Variants in MGAT4C observed in about 807,000 individuals in gnomAD.
The protein encoded by MGAT4C is MGAT4 family member C.
In MGAT4C, 19 loss-of-function variants were observed where a neutral mutation model predicts 40.1. The observed-to-expected ratio is 0.47, with a 90% CI of 0.33 to 0.70. The LOEUF (loss-of-function observed/expected upper bound fraction) is 0.70, where lower values mean the gene tolerates loss of function less well. MGAT4C is among the 30% of genes least tolerant of loss of function. MGAT4C has a pLI of 0.02. For missense variants in MGAT4C, 491 were observed against 563.2 expected (o/e 0.87, Z 1.30); for synonymous variants, 181 against 187.1 (o/e 0.97, Z 0.27).
chr12:86,721,821 C>G (rs1040583316), intron 2 of MGAT4C, among the ~76,000 whole-genome samples: 1 of 152,078 alleles, frequency 6.6e-6, no homozygotes, highest in Non-Finnish European at 1.5e-5. Flanking sequence ...TTGTTTAAGT[C>G]TATTTATGTA....
At chr12:86,084,854 T>C (rs2135552102) in intron 1 of MGAT4C, among the ~76,000 whole-genome samples, 1 of 152,122 alleles carries the variant, frequency 6.6e-6, no homozygotes, top group East Asian at 1.9e-4. Context: ...TTAGTATATA[T>C]TTCTGAAACA....
At chr12:86,065,192 T>C (rs1011382033) in intron 1 of MGAT4C, among the ~76,000 whole-genome samples, 22 of 152,158 alleles carry the variant, frequency 1.4e-4, no homozygotes, top group Non-Finnish European at 2.2e-4. Flanking sequence ...AAAGAGGGAC[T>C]CCTCCCTAAC....
At chr12:86,536,203 T>G (rs1252882313) in intron 2 of MGAT4C, among the ~76,000 whole-genome samples, 4 of 152,130 alleles carry the variant, frequency 2.6e-5, no homozygotes, top group African/African-American at 9.7e-5. Context: ...CTAAAGAGAC[T>G]TTGTTAGACA....
chr12:86,424,538 T>C (rs1467192974), intron 3 of MGAT4C, among the ~76,000 whole-genome samples: 1 of 152,198 alleles, frequency 6.6e-6, no homozygotes, highest in African/African-American at 2.4e-5. Flanking sequence ...CAGAGTCAGA[T>C]CTGAGCAACG....
At position 86,133,333 on chromosome 12, in the gene MGAT4C, C is replaced by T. The variant is rs532095975; in HGVS notation, c.-56-83610G>A. ...AGCCTGCCACCCATCAAAAGCACTT[C>T]ACTTCTTAAATGTCAGTATCCTTAT... On this transcript the variant is annotated intron_variant, in intron 1 of 4. Transcript: ENST00000611864. 1.5e-3 allele frequency among the ~76,000 whole-genome samples: 225 copies of T among 152,328 alleles called. 1 individual carries two copies. Among genetic ancestry groups the T allele is most frequent in the African/African-American group, 5.2e-3 (218 of 41,582 alleles).
At chr12:86,596,056 T>C (rs1209577516) in intron 2 of MGAT4C, among the ~76,000 whole-genome samples, 2 of 152,168 alleles carry the variant, frequency 1.3e-5, no homozygotes, top group South Asian at 2.1e-4. Context: ...TGGATACATA[T>C]ATCTCATCTA....
chr12:86,337,929 C>T (rs1954824615), intron 3 of MGAT4C, among the ~76,000 whole-genome samples: 1 of 152,088 alleles, frequency 6.6e-6, no homozygotes, highest in African/African-American at 2.4e-5. Context: ...TCAAGCCAAT[C>T]AATCGAGTGG....
At chr12:86,318,100 G>T (rs148845414) in intron 4 of MGAT4C, among the ~76,000 whole-genome samples, 4 of 152,162 alleles carry the variant, frequency 2.6e-5, no homozygotes, top group African/African-American at 9.6e-5. Context: ...AAAGGAAAAA[G>T]AAGCTGGAAG....
At chr12:86,061,474 GT>G (rs71076156) in intron 1 of MGAT4C, among the ~76,000 whole-genome samples, 112,788 of 146,274 alleles carry the variant, frequency 0.77, 43,640 homozygotes, top group East Asian at 0.96. Context: ...TTTTTTTTTT[GT>G]TTTTTTTTTT....
In MGAT4C at chr12:86,183,386, C is replaced by A. The variant is rs575663884; in HGVS notation, c.-57+72853G>T. 2.6e-5 allele frequency among the ~76,000 whole-genome samples: 4 copies of A among 152,176 alleles called. No homozygotes were observed. In the East Asian group the frequency reaches 7.7e-4, roughly 29 times the overall value. ...ACTTGAGCTAGTTATTTAATCTCTC[C>A]TATGCTTCAGTTTCTTAATCCGAGA... On this transcript the variant is annotated intron_variant, in intron 1 of 4. Coordinates refer to ENST00000611864, the MANE Select transcript of MGAT4C (RefSeq NM_001351288.2).
intron 1 of MGAT4C, among the ~76,000 whole-genome samples, chr12:86,143,896 T>C (rs749760291): frequency 6.6e-6 from 1 of 152,306 alleles, no homozygotes; most frequent in South Asian, 2.1e-4. Context: ...AAAAAGAACA[T>C]AGGCTAGTAA....
chr12:85,997,579 C>A (rs1411189203), intron 2 of MGAT4C, among the ~76,000 whole-genome samples: 1 of 152,166 alleles, frequency 6.6e-6, no homozygotes, highest in Non-Finnish European at 1.5e-5. Context: ...GTAAATACAG[C>A]CATTACAAAT....
intron 1 of MGAT4C, among the ~76,000 whole-genome samples, chr12:86,149,073 T>C (rs1035668641): frequency 2.6e-5 from 4 of 152,300 alleles, no homozygotes; most frequent in Non-Finnish European, 1.5e-5. Context: ...AAATTTCTTA[T>C]AGGTTAATAA....
At position 86,378,807 on chromosome 12, in the gene MGAT4C, G is replaced by A. The variant is rs191215373; in HGVS notation, c.-119-44680C>T. ...GGAACTTGAAGTCATGTTGGCTGAC[G>A]AAGTTGCAAGGTAACAGTCTTAAAA... On this transcript the variant is annotated intron_variant, in intron 3 of 7. Transcript: ENST00000548651. Among the ~76,000 whole-genome samples the A allele has an allele frequency of 9.6e-4, 146 of 152,192 alleles. 1 individual carries two copies. Among genetic ancestry groups the A allele is most frequent in the African/African-American group, 3.4e-3 (142 of 41,556 alleles).
chr12:86,332,036 T>C lies in MGAT4C; in HGVS notation c.-57+2029A>G, dbSNP rs1954680358. On this transcript the variant is annotated intron_variant, in intron 4 of 7. Transcript: ENST00000548651. ...AAATTAAAAGAGTATACCATGTAAA[T>C]GCAGCGTAAAGGCATCATTTGTATC... Among the ~76,000 whole-genome samples the C allele has an allele frequency of 2.0e-5, 3 of 152,148 alleles. No homozygotes were observed. In the South Asian group the frequency reaches 6.2e-4, roughly 31 times the overall value.
intron 1 of MGAT4C, among the ~76,000 whole-genome samples, chr12:86,090,195 T>A (rs1044291867): frequency 1.3e-5 from 2 of 151,684 alleles, no homozygotes; most frequent in African/African-American, 4.8e-5. Context: ...TCTGTTTATG[T>A]CAAATATTAT....
At chr12:86,113,523 T>C (rs1436682421) in intron 1 of MGAT4C, among the ~76,000 whole-genome samples, 1 of 151,392 alleles carries the variant, frequency 6.6e-6, no homozygotes, top group East Asian at 1.9e-4. Context: ...AATTAAAGCA[T>C]AAAAAAGAAT....
chr12:86,114,536 C>T (rs1169490327), intron 1 of MGAT4C, among the ~76,000 whole-genome samples: 2 of 151,492 alleles, frequency 1.3e-5, no homozygotes, highest in Non-Finnish European at 2.9e-5. Context: ...AAATGAAAAG[C>T]AATAAAAATC....
rs539402671 is a variant in MGAT4C at position 86,627,430 on chromosome 12, T to C, written c.-229+99779A>G. On this transcript the variant is annotated intron_variant, in intron 2 of 7. Coordinates refer to the MGAT4C transcript ENST00000548651. ...TAGACTGCCTCCTCAAGTGGGACCCTGACCCCGTGTAGCCTAACTTGGAGA... is the reference window on the plus strand; with the variant it reads ...TAGACTGCCTCCTCAAGTGGGACCCCGACCCCGTGTAGCCTAACTTGGAGA... Among the ~76,000 whole-genome samples, 6 of 152,288 alleles carry C rather than the reference T, an allele frequency of 3.9e-5. No homozygotes were observed. The South Asian group carries it at 8.3e-4, about 21-fold the overall frequency.
Sources: gnomAD v4.1 joint callset for allele counts (sites outside exome capture counted in the v4.1 genomes callset) on GRCh38, gnomAD v4.1.1 for gene constraint, MANE v1.5 for transcripts, NCBI Gene and HGNC (gene_info 2026-07-23, HGNC 2026-07-21) for gene names.